Variants in PHF5A observed in about 807,000 individuals in gnomAD.
PHF5A encodes PHD finger protein 5A.
For synonymous variants in PHF5A, 52 were observed against 46.0 expected, an observed-to-expected ratio of 1.13 and a Z score of -0.52; for missense variants, 24 against 140.6, an observed-to-expected ratio of 0.17 and a Z score of 4.19.
intron 2 of PHF5A, 23 bp from the exon 3 acceptor site, chr22:41,467,637 A>C (rs1157696858): frequency 6.8e-6 from 11 of 1,613,354 alleles, no homozygotes; most frequent in Non-Finnish European, 8.5e-6. Context: ...GAATGGAGTC[A>C]TGCTCACAAG....
chr22:41,462,871 T>C (rs2037836196), intron 3 of PHF5A, among the ~76,000 whole-genome samples: 1 of 151,834 alleles, frequency 6.6e-6, no homozygotes, highest in Middle Eastern at 3.4e-3. Flanking sequence ...TACTTACGGG[T>C]TAGCTTTTTT....
intron 1 of PHF5A, 179 bp from the exon 2 acceptor site, chr22:41,468,326 CTG>C: frequency 3.0e-6 from 2 of 667,588 alleles, no homozygotes; most frequent in South Asian, 3.7e-5. Context: ...AAGCACCCTC[CTG>C]AATCTCCTCC....
chr22:41,463,830 A>G (rs2037845715), intron 3 of PHF5A, among the ~76,000 whole-genome samples: 1 of 150,456 alleles, frequency 6.6e-6, no homozygotes, highest in African/African-American at 2.5e-5. Context: ...GGAGGCGGAG[A>G]TTGTAATGAG....
At chr22:41,465,713 C>G (rs2037861271) in intron 3 of PHF5A, among the ~76,000 whole-genome samples, 2 of 152,050 alleles carry the variant, frequency 1.3e-5, no homozygotes, top group Admixed American at 1.3e-4. Context: ...AACCCCATCT[C>G]TACTAAAAAT....
intron 3 of PHF5A, among the ~76,000 whole-genome samples, chr22:41,463,114 C>T (rs905650900): frequency 2.6e-5 from 4 of 151,824 alleles, no homozygotes; most frequent in African/African-American, 9.7e-5. Context: ...CCTCATGATT[C>T]GCCTACCTGG....
intron 3 of PHF5A, among the ~76,000 whole-genome samples, chr22:41,461,787 C>T (rs961958037): frequency 6.6e-6 from 1 of 152,076 alleles, no homozygotes; most frequent in Non-Finnish European, 1.5e-5. Flanking sequence ...CTCAGCCTCC[C>T]GAGTAGTGGG....
chr22:41,463,416 C>A (rs1214807134), intron 3 of PHF5A, among the ~76,000 whole-genome samples: 2 of 151,470 alleles, frequency 1.3e-5, no homozygotes, highest in Non-Finnish European at 1.5e-5. Context: ...TATGGTGAAA[C>A]CCCATTTCTA....
At chr22:41,467,036 CTT>C (rs11304465) in intron 3 of PHF5A, among the ~76,000 whole-genome samples, 69 of 142,272 alleles carry the variant, frequency 4.8e-4, no homozygotes, top group East Asian at 6.3e-4. Flanking sequence ...AAACAAAACA[CTT>C]TTTTTTTTTT....
Position 41,468,674 on chromosome 22 carries a change from A to T in PHF5A, c.-21T>A. 1.2e-6 allele frequency: 2 copies of T among 1,613,764 alleles called. No homozygotes were observed. Among genetic ancestry groups the T allele is most frequent in the African/African-American group, 1.3e-5 (1 of 75,060 alleles). On this transcript the variant is annotated 5_prime_UTR_variant, in exon 1 of 4. Transcript: ENST00000216252. ...GCCATAGCTCCTAACTAAGCCGGCCACCGGAAGCTTCGGGAACTTCCGTCC... is the reference window on the plus strand; with the variant it reads ...GCCATAGCTCCTAACTAAGCCGGCCTCCGGAAGCTTCGGGAACTTCCGTCC...
chr22:41,462,818 T>C (rs545929375), intron 3 of PHF5A, among the ~76,000 whole-genome samples: 1 of 151,924 alleles, frequency 6.6e-6, no homozygotes, highest in South Asian at 2.1e-4. Flanking sequence ...AGGTACCAAG[T>C]AATGGTATGA....
intron 2 of PHF5A, 132 bp from the exon 3 acceptor site, chr22:41,467,746 T>C (rs1182731860): frequency 2.7e-6 from 3 of 1,092,820 alleles, no homozygotes; most frequent in Non-Finnish European, 3.9e-6. Context: ...GCCCTCCTCT[T>C]GGCATCACAA....
rs769301239 is a variant in PHF5A at position 41,460,458 on chromosome 22, C to T, written c.273G>A (p.Leu91=). Residue 91 remains leucine, a synonymous_variant, in exon 4 of 4, where the codon CTG becomes CTA. Transcript: ENST00000216252. ...DRDGCPKIVN[L]GSSKTDLFYE... is the part of the protein sequence containing the mutation. ...AGAAGAGGTCTGTCTTAGAGCTCCC[C>T]AGATTGACAATCTTTGGGCAGCCAT... 3 of 1,600,144 alleles carry T rather than the reference C, an allele frequency of 1.9e-6. No homozygotes were observed. The highest frequency in any genetic ancestry group is 2.6e-6 in the Non-Finnish European group (3 of 1,170,720).
At chr22:41,468,296 T>C (rs1381688397) in intron 1 of PHF5A, 149 bp from the exon 2 acceptor site, 10 of 761,294 alleles carry the variant, frequency 1.3e-5, no homozygotes, top group African/African-American at 1.7e-5. Context: ...CAAATTTCCA[T>C]ATGAACCAAA....
intron 1 of PHF5A, 45 bp from the exon 2 acceptor site, chr22:41,468,192 T>C (rs370916619): frequency 2.5e-6 from 4 of 1,608,038 alleles, no homozygotes; most frequent in African/African-American, 2.7e-5. Context: ...AATAAAGGTT[T>C]TGAGAAAGAG....
chr22:41,462,725 A>G (rs1376538286), intron 3 of PHF5A, among the ~76,000 whole-genome samples: 1 of 152,086 alleles, frequency 6.6e-6, no homozygotes, highest in African/African-American at 2.4e-5. Flanking sequence ...TGGGACTTAT[A>G]TTACTCCTCA....
At position 41,467,457 on chromosome 22, in the gene PHF5A, C is replaced by T; in HGVS notation, c.234G>A (p.Gln78=). 2.5e-6 allele frequency: 4 copies of T among 1,613,980 alleles called. No individual in the cohort carries two copies. The South Asian group carries it at 4.4e-5, about 18-fold the overall frequency. The change falls in exon 3 of 4, where the codon CAG becomes CAA. Residue 78 remains glutamine, a synonymous_variant. Transcript: ENST00000216252. ...DAYYCKECTI[Q]EKDRDGCPKI... ...AAAGCTGTACACTTACGTCCTTCTC[C>T]TGGATGGTGCACTCCTTACAATAAT...
chr22:41,463,578 A>G (rs1211788535), intron 3 of PHF5A, among the ~76,000 whole-genome samples: 1 of 148,946 alleles, frequency 6.7e-6, no homozygotes, highest in Non-Finnish European at 1.5e-5. Context: ...ACAAAAAATT[A>G]GCCAGGCGTG....
At chr22:41,468,471 C>T in intron 1 of PHF5A, 131 bp downstream of exon 1, 1 of 1,092,526 alleles carries the variant, frequency 9.2e-7, no homozygotes, top group Non-Finnish European at 1.4e-6. Context: ...GCTCCTACAA[C>T]ACCCCGCGCC....
At position 41,460,491 on chromosome 22, in the gene PHF5A, G is replaced by A; in HGVS notation, c.244-4C>T. 6.3e-7 allele frequency: 1 copy of A among 1,594,524 alleles called. No homozygotes were observed. The highest frequency in any genetic ancestry group is 1.1e-5 in the South Asian group (1 of 88,130). ...CAATCTTTGGGCAGCCATCTCTCTG[G>A]AAAACAGAACAGAGAAGTTGTTAAG... On this transcript the variant is annotated splice_region_variant and splice_polypyrimidine_tract_variant and intron_variant, in intron 3 of 3. Coordinates refer to ENST00000216252, the MANE Select transcript of PHF5A (RefSeq NM_032758.4).
Sources: gnomAD v4.1 joint callset for allele counts (sites outside exome capture counted in the v4.1 genomes callset) on GRCh38, gnomAD v4.1.1 for gene constraint, MANE v1.5 for transcripts, NCBI Gene and HGNC (gene_info 2026-07-23, HGNC 2026-07-21) for gene names.